The following LRRC4B variants were observed in gnomAD, a reference collection of about 807,000 sequenced individuals.
LRRC4B encodes leucine rich repeat containing 4B.
Under a neutral mutation model 7.3 loss-of-function variants are expected in LRRC4B, and 1 was observed. That is an observed-to-expected ratio of 0.14 (90% confidence interval 0.05 to 0.65). The LOEUF (loss-of-function observed/expected upper bound fraction) is 0.65. Among genes scored for constraint, LRRC4B ranks in the 30% least tolerant of loss-of-function variants. The pLI is 0.84. For synonymous variants in LRRC4B, 500 were observed against 499.2 expected (o/e 1.00, Z -0.02); for missense variants, 730 against 1,041.6 (o/e 0.70, Z 4.12).
At chr19:50,550,379 G>C (rs1599780939) in intron 1 of LRRC4B, among the ~76,000 whole-genome samples, 1 of 151,696 alleles carries the variant, frequency 6.6e-6, no homozygotes, top group Non-Finnish European at 1.5e-5. Flanking sequence ...CCAGGAGGAG[G>C]GCAGGTCACA....
At chr19:50,534,218 A>C (rs1190964742) in intron 2 of LRRC4B, among the ~76,000 whole-genome samples, 2 of 152,190 alleles carry the variant, frequency 1.3e-5, no homozygotes, top group East Asian at 3.9e-4. Context: ...TTTAACCAGC[A>C]AAGGTGTACA....
chr19:50,552,692 C>CCATCCATCCATT (rs1568734118), intron 1 of LRRC4B, among the ~76,000 whole-genome samples: 10 of 133,080 alleles, frequency 7.5e-5, no homozygotes, highest in African/African-American at 3.1e-4. Flanking sequence ...ATCCATCCGT[C>CCATCCATCCATT]CATCCATCCG....
At chr19:50,551,211 G>A (rs1371799304) in intron 1 of LRRC4B, among the ~76,000 whole-genome samples, 1 of 151,550 alleles carries the variant, frequency 6.6e-6, no homozygotes, top group African/African-American at 2.4e-5. Flanking sequence ...GGCTTCCGCT[G>A]GGCCTCTCCC....
chr19:50,552,627 T>TC lies in LRRC4B; in HGVS notation c.-35-3755_-35-3754insG, dbSNP rs1568733892. ...ATCCATCCATCCATCCATCCATCCATTCATCCATCCGCCCATCCGTCCATC... is the reference window on the plus strand; with the variant it reads ...ATCCATCCATCCATCCATCCATCCATCTCATCCATCCGCCCATCCGTCCATC... On this transcript the variant is annotated intron_variant, in intron 1 of 2. Transcript: ENST00000652263. Among the ~76,000 whole-genome samples the TC allele has an allele frequency of 5.6e-4, 58 of 103,292 alleles. 1 individual carries two copies. Among genetic ancestry groups the TC allele is most frequent in the Middle Eastern group, 4.2e-3 (1 of 240 alleles). The allele number at this position is 103,292 out of a possible 152,430, so 67.8% of individuals were successfully genotyped here.
intron 2 of LRRC4B, among the ~76,000 whole-genome samples, chr19:50,531,657 T>C (rs1043922219): frequency 6.6e-6 from 1 of 152,232 alleles, no homozygotes; most frequent in Non-Finnish European, 1.5e-5. Flanking sequence ...CTGTCTCCTC[T>C]TCTCTGCAGA....
chr19:50,522,032 G>C (rs1432197186), intron 2 of LRRC4B, among the ~76,000 whole-genome samples: 2 of 152,018 alleles, frequency 1.3e-5, no homozygotes, highest in African/African-American at 4.8e-5. Flanking sequence ...ACGAAAATTA[G>C]CCCTGTGTGA....
intron 2 of LRRC4B, among the ~76,000 whole-genome samples, chr19:50,538,152 C>T (rs1212431828): frequency 6.6e-6 from 1 of 151,882 alleles, no homozygotes; most frequent in Non-Finnish European, 1.5e-5. Flanking sequence ...CTACCTCTGC[C>T]TCCGGGTTCA....
chr19:50,543,852 C>CAAAAAAAAAAA (rs36044151), intron 2 of LRRC4B, among the ~76,000 whole-genome samples: 3 of 83,372 alleles, frequency 3.6e-5, no homozygotes, highest in African/African-American at 5.0e-5. Flanking sequence ...GCCTCCATCT[C>CAAAAAAAAAAA]AAAAAAAAAA....
At chr19:50,566,297 C>T (rs1468286677) in intron 1 of LRRC4B, among the ~76,000 whole-genome samples, 5 of 148,364 alleles carry the variant, frequency 3.4e-5, no homozygotes, top group East Asian at 2.1e-4. Flanking sequence ...GCTGCGCGGC[C>T]GGGACTTGGG....
chr19:50,566,625 C>T (rs557485231), intron 1 of LRRC4B, among the ~76,000 whole-genome samples: 34 of 151,412 alleles, frequency 2.2e-4, no homozygotes, highest in African/African-American at 7.0e-4. Flanking sequence ...GACTCGAGTC[C>T]TGGAGAGAGA....
rs374853724 is a variant in LRRC4B, at chr19:50,518,633, G to A, written c.1080C>T (p.Thr360=). The change falls in exon 3 of 3, where the codon ACC becomes ACT. Residue 360 remains threonine (T), a synonymous_variant. Transcript: ENST00000652263. ...GCTCCACGATGACGGGCGCATAGCA[G>A]GTGAAATGCGACTGGTCCAGCTCCC... is the stretch of plus-strand genomic sequence containing the variant. ...YIGELDQSHF[T]CYAPVIVEPP... The A allele has an allele frequency of 2.5e-6, 4 of 1,610,714 alleles. No homozygotes were observed. The African/African-American group carries it at 4.0e-5, about 16-fold the overall frequency.
At chr19:50,524,790 C>T (rs1436839217) in intron 2 of LRRC4B, among the ~76,000 whole-genome samples, 2 of 152,188 alleles carry the variant, frequency 1.3e-5, no homozygotes, top group African/African-American at 2.4e-5. Flanking sequence ...GTCCAGGGCA[C>T]CTCTCAGTAG....
intron 2 of LRRC4B, among the ~76,000 whole-genome samples, chr19:50,540,381 G>T (rs1229322719): frequency 4.0e-5 from 6 of 151,894 alleles, no homozygotes; most frequent in African/African-American, 1.5e-4. Flanking sequence ...ATTTTTTTTT[G>T]AGACAGAGTC....
At chr19:50,550,056 C>T (rs1040526029) in intron 1 of LRRC4B, among the ~76,000 whole-genome samples, 7 of 152,162 alleles carry the variant, frequency 4.6e-5, no homozygotes, top group African/African-American at 7.2e-5. Flanking sequence ...ATAGTCTCTC[C>T]GGAACACTGG....
chr19:50,545,267 C>T lies in LRRC4B; in HGVS notation c.297+3275G>A, dbSNP rs577383304. Among the ~76,000 whole-genome samples the T allele has an allele frequency of 6.6e-5, 10 of 151,500 alleles. No individual in the cohort carries two copies. The South Asian group carries it at 1.0e-3, about 16-fold the overall frequency. ...TACTAAAAATACAAAATTAGCCGGG[C>T]GTGGTGGCACATGCCTGTAATCCCA... On this transcript the variant is annotated intron_variant, in intron 2 of 2. Coordinates refer to ENST00000652263, the MANE Select transcript of LRRC4B (RefSeq NM_001080457.2).
chr19:50,531,389 C>A (rs760404925), intron 2 of LRRC4B, among the ~76,000 whole-genome samples: 1 of 152,200 alleles, frequency 6.6e-6, no homozygotes, highest in Non-Finnish European at 1.5e-5. Context: ...AGCGTGGCCA[C>A]AGGCGGACAG....
chr19:50,545,339 T>C (rs1301986004), intron 2 of LRRC4B, among the ~76,000 whole-genome samples: 2 of 130,086 alleles, frequency 1.5e-5, no homozygotes, highest in Non-Finnish European at 3.1e-5. Context: ...ACCCAGGAGG[T>C]GGAGGTTGCG....
rs539332490 is a variant in LRRC4B at position 50,532,958 on chromosome 19, G to A, written c.298-13543C>T. Among the ~76,000 whole-genome samples, 6 of 152,282 alleles carry A rather than the reference G, an allele frequency of 3.9e-5. No individual in the cohort carries two copies. In the South Asian group the frequency reaches 1.0e-3, roughly 26 times the overall value. On this transcript the variant is annotated intron_variant, in intron 2 of 2. Coordinates refer to ENST00000652263, the MANE Select transcript of LRRC4B (RefSeq NM_001080457.2). Reference sequence around the variant, plus strand: ...CATCAATATGACAGAACTTGGGAACGGAAAAGCATTGGTGTTCTGCTTCCA... The same window carrying A: ...CATCAATATGACAGAACTTGGGAACAGAAAAGCATTGGTGTTCTGCTTCCA...
At chr19:50,564,543 A>G (rs2122935583) in intron 1 of LRRC4B, among the ~76,000 whole-genome samples, 1 of 152,080 alleles carries the variant, frequency 6.6e-6, no homozygotes, top group Middle Eastern at 3.4e-3. Flanking sequence ...GGAAAGACTG[A>G]TGAATGAGTC....
Sources: gnomAD v4.1 joint callset for allele counts (sites outside exome capture counted in the v4.1 genomes callset) on GRCh38, gnomAD v4.1.1 for gene constraint, MANE v1.5 for transcripts, NCBI Gene and HGNC (gene_info 2026-07-23, HGNC 2026-07-21) for gene names.